Variants in SMYD3 observed in about 807,000 individuals in gnomAD.
SMYD3 encodes the protein histone-lysine N-methyltransferase SMYD3.
SMYD3 carries 36 observed loss-of-function variants against 57.7 expected under a neutral mutation model. That is an observed-to-expected ratio of 0.62 (90% CI 0.48 to 0.82). The LOEUF (loss-of-function observed/expected upper bound fraction) is 0.82. SMYD3 is among the 40% of genes least tolerant of loss of function. The pLI is 0.00. For missense variants in SMYD3, 515 were observed against 538.8 expected, an observed-to-expected ratio of 0.96 and a Z score of 0.44; for synonymous variants, 211 against 195.0, an observed-to-expected ratio of 1.08 and a Z score of -0.68.
chr1:246,229,110 A>G (rs12144287), intron 5 of SMYD3, among the ~76,000 whole-genome samples: 31,410 of 151,950 alleles, frequency 0.21, 3,922 homozygotes, highest in East Asian at 0.58. Flanking sequence ...CTAAATGTTC[A>G]ATTAGTTCTT....
intron 1 of SMYD3, among the ~76,000 whole-genome samples, chr1:246,399,609 T>C (rs2066734911): frequency 6.6e-6 from 1 of 152,102 alleles, no homozygotes; most frequent in South Asian, 2.1e-4. Context: ...TTTCCAATAG[T>C]GCTGGGACTA....
At chr1:246,502,657 T>G (rs1422448619) in intron 1 of SMYD3, among the ~76,000 whole-genome samples, 3 of 152,206 alleles carry the variant, frequency 2.0e-5, no homozygotes, top group Admixed American at 6.5e-5. Context: ...TCCAAGGTCT[T>G]ATCGGACATC....
chr1:246,154,266 T>C (rs747316129), intron 5 of SMYD3, among the ~76,000 whole-genome samples: 3 of 152,210 alleles, frequency 2.0e-5, no homozygotes, highest in Non-Finnish European at 2.9e-5. Flanking sequence ...AAAGTTAACA[T>C]TTCTCTTACT....
At chr1:246,010,297 G>T (rs1021164902) in intron 5 of SMYD3, among the ~76,000 whole-genome samples, 4 of 151,940 alleles carry the variant, frequency 2.6e-5, no homozygotes, top group Non-Finnish European at 5.9e-5. Flanking sequence ...TTTAAAAAGT[G>T]ACCCCCTGCT....
chr1:245,818,366 G>T (rs1355561475), intron 10 of SMYD3, among the ~76,000 whole-genome samples: 1 of 152,016 alleles, frequency 6.6e-6, no homozygotes, highest in Non-Finnish European at 1.5e-5. Context: ...TCACCACCAG[G>T]CCTGCCCTAA....
intron 5 of SMYD3, among the ~76,000 whole-genome samples, chr1:246,249,840 C>G (rs2063772907): frequency 1.3e-5 from 2 of 152,302 alleles, no homozygotes; most frequent in Admixed American, 6.5e-5. Context: ...TCTCCAAACT[C>G]AAAAGTTATT....
intron 10 of SMYD3, among the ~76,000 whole-genome samples, chr1:245,782,656 T>C (rs1286448358): frequency 6.6e-6 from 1 of 152,230 alleles, no homozygotes; most frequent in African/African-American, 2.4e-5. Context: ...TTAAACTAGA[T>C]ACTCACAGTC....
intron 11 of SMYD3, among the ~76,000 whole-genome samples, chr1:245,761,786 CT>C (rs534305833): frequency 1.0e-3 from 120 of 115,722 alleles, no homozygotes; most frequent in East Asian, 3.1e-3. Context: ...CATATTGAGT[CT>C]TTTTTTTTTT....
chr1:246,466,500 G>A (rs1191256648), intron 1 of SMYD3, among the ~76,000 whole-genome samples: 2 of 152,104 alleles, frequency 1.3e-5, no homozygotes, highest in African/African-American at 2.4e-5. Flanking sequence ...ACATAAAGAG[G>A]GACAACAGAC....
intron 5 of SMYD3, chr1:245,953,307 C>G (rs192355518): frequency 1.0e-6 from 1 of 997,846 alleles, no homozygotes; most frequent in Admixed American, 6.1e-5. Context: ...TCAACTCCAA[C>G]TAGACCAAAA....
chr1:246,122,086 A>G (rs1271726891), intron 5 of SMYD3, among the ~76,000 whole-genome samples: 2 of 152,090 alleles, frequency 1.3e-5, no homozygotes, highest in Non-Finnish European at 2.9e-5. Context: ...AGAATCTCCA[A>G]TATTCTTTGG....
chr1:246,497,729 C>G (rs947184835), intron 1 of SMYD3, among the ~76,000 whole-genome samples: 4 of 152,096 alleles, frequency 2.6e-5, no homozygotes, highest in African/African-American at 9.6e-5. Context: ...TGATGTTGCA[C>G]GCCTGTGGTC....
intron 5 of SMYD3, among the ~76,000 whole-genome samples, chr1:246,163,977 T>C (rs1245525686): frequency 6.6e-6 from 1 of 152,142 alleles, no homozygotes; most frequent in African/African-American, 2.4e-5. Context: ...AAAAGGAATA[T>C]TCAGGAGGGA....
At chr1:246,482,525 G>A (rs2068125536) in intron 1 of SMYD3, among the ~76,000 whole-genome samples, 1 of 152,112 alleles carries the variant, frequency 6.6e-6, no homozygotes, top group Non-Finnish European at 1.5e-5. Context: ...TCAGGGCCAA[G>A]TTCAAACCCT....
At chr1:246,031,702 A>G (rs1385121812) in intron 5 of SMYD3, among the ~76,000 whole-genome samples, 1 of 149,762 alleles carries the variant, frequency 6.7e-6, no homozygotes, top group Non-Finnish European at 1.5e-5. Context: ...GCGCCACTGC[A>G]CTCCAGCCTG....
At chr1:246,068,531 G>C (rs1001662668) in intron 5 of SMYD3, among the ~76,000 whole-genome samples, 5 of 152,240 alleles carry the variant, frequency 3.3e-5, no homozygotes, top group African/African-American at 7.2e-5. Flanking sequence ...TGACTGGGAG[G>C]GGGCAGAAAG....
intron 5 of SMYD3, among the ~76,000 whole-genome samples, chr1:246,196,341 A>G (rs938056038): frequency 6.6e-6 from 1 of 152,198 alleles, no homozygotes; most frequent in African/African-American, 2.4e-5. Flanking sequence ...TCCAGCAAAA[A>G]GCAAGATTCC....
chr1:246,417,661 G>T (rs1409945934), intron 1 of SMYD3, among the ~76,000 whole-genome samples: 2 of 152,108 alleles, frequency 1.3e-5, no homozygotes, highest in Non-Finnish European at 2.9e-5. Context: ...ACCCATCTTA[G>T]GGTTTACAGT....
In SMYD3 at chr1:246,330,645, A is replaced by T. The variant is rs1414559401; in HGVS notation, c.337-108T>A. ...TTTAAATGAAAGTCCATCAAAAAGA[A>T]CATTTTCTATATATTCTTTCTATTC... On this transcript the variant is annotated intron_variant, in intron 3 of 11. Coordinates refer to ENST00000490107, the MANE Select transcript of SMYD3 (RefSeq NM_001167740.2). 4.7e-6 allele frequency: 4 copies of T among 847,738 alleles called. No individual in the cohort carries two copies. In the East Asian group the frequency reaches 1.1e-4, roughly 24 times the overall value. 52.5% of individuals were successfully genotyped at this position (847,738 alleles called of 1,614,324 possible).
Sources: gnomAD v4.1 joint callset for allele counts (sites outside exome capture counted in the v4.1 genomes callset) on GRCh38, gnomAD v4.1.1 for gene constraint, MANE v1.5 for transcripts, NCBI Gene and HGNC (gene_info 2026-07-23, HGNC 2026-07-21) for gene names.